CNTN4: variants seen among roughly 807,000 people sequenced by gnomAD.
CNTN4 encodes the protein contactin 4, also known as contactin-4.
CNTN4 carries 77 observed loss-of-function variants against 122.5 expected under a neutral mutation model. That is an observed-to-expected ratio of 0.63 (90% CI 0.52 to 0.76). The LOEUF is 0.76. Ranked by LOEUF, CNTN4 falls within the 30% of genes least tolerant of loss-of-function variation. The pLI is 0.00. For synonymous variants in CNTN4, 512 were observed against 447.0 expected (o/e 1.15, Z -1.83); for missense variants, 1,256 against 1,259.1 (o/e 1.00, Z 0.04).
intron 3 of CNTN4, among the ~76,000 whole-genome samples, chr3:2,369,062 T>C (rs1181998217): frequency 6.6e-6 from 1 of 152,146 alleles, no homozygotes; most frequent in Non-Finnish European, 1.5e-5. Context: ...TAGCTGGGAT[T>C]ACAGGCACCT....
At chr3:2,855,132 A>G (rs1266454281) in intron 7 of CNTN4, among the ~76,000 whole-genome samples, 6 of 152,198 alleles carry the variant, frequency 3.9e-5, no homozygotes, top group Admixed American at 2.6e-4. Flanking sequence ...ATACTGTGGC[A>G]TACAAAAGAA....
At chr3:2,401,318 T>A (rs2046850346) in intron 3 of CNTN4, among the ~76,000 whole-genome samples, 2 of 152,230 alleles carry the variant, frequency 1.3e-5, no homozygotes, top group East Asian at 3.9e-4. Flanking sequence ...AAATCAGGTC[T>A]CCTGACTTCT....
At chr3:2,589,367 ACTGAT>A (rs1308367761) in intron 4 of CNTN4, among the ~76,000 whole-genome samples, 1 of 152,126 alleles carries the variant, frequency 6.6e-6, no homozygotes, top group Non-Finnish European at 1.5e-5. Flanking sequence ...CTTTTTGTTC[ACTGAT>A]CTGTTAAAAG....
chr3:2,515,362 TAAAAC>T (rs2077010358), intron 3 of CNTN4, among the ~76,000 whole-genome samples: 1 of 152,114 alleles, frequency 6.6e-6, no homozygotes, highest in South Asian at 2.1e-4. Flanking sequence ...ACTTTAAAAA[TAAAAC>T]AAGTGCACAA....
In CNTN4 at chr3:2,421,532, G is replaced by A. The variant is rs535665408; in HGVS notation, c.-89+82299G>A. On this transcript the variant is annotated intron_variant, in intron 3 of 24. Coordinates refer to ENST00000418658, the MANE Select transcript of CNTN4 (RefSeq NM_175607.3). ...CTTCCAAAGAGCTGGGATTACAGATGTTAGCCACCGCTCCCAGCCCCAGCC... is the reference window on the plus strand; with the variant it reads ...CTTCCAAAGAGCTGGGATTACAGATATTAGCCACCGCTCCCAGCCCCAGCC... Among the ~76,000 whole-genome samples, 5 of 152,262 alleles carry A rather than the reference G, an allele frequency of 3.3e-5. 1 individual carries two copies. In the East Asian group the frequency reaches 9.7e-4, roughly 29 times the overall value.
intron 6 of CNTN4, among the ~76,000 whole-genome samples, chr3:2,781,575 C>G (rs1390037064): frequency 6.6e-6 from 1 of 151,948 alleles, no homozygotes; most frequent in Non-Finnish European, 1.5e-5. Context: ...GAACATGTGC[C>G]CAAGTGGTCG....
chr3:3,037,094 T>C (rs1413421058), intron 17 of CNTN4, 85 bp from the exon 18 acceptor site: 7 of 1,444,974 alleles, frequency 4.8e-6, no homozygotes, highest in Non-Finnish European at 6.8e-6. Flanking sequence ...TGAGGATGGA[T>C]GGATGTTCCT....
chr3:2,390,371 C>T (rs568113235), intron 3 of CNTN4, among the ~76,000 whole-genome samples: 4 of 151,812 alleles, frequency 2.6e-5, no homozygotes, highest in African/African-American at 7.3e-5. Flanking sequence ...CTGAAATGAT[C>T]ATAAAAGTTA....
intron 4 of CNTN4, among the ~76,000 whole-genome samples, chr3:2,605,862 A>C (rs1481378603): frequency 6.6e-6 from 1 of 152,232 alleles, no homozygotes; most frequent in East Asian, 1.9e-4. Flanking sequence ...GACAAATGAT[A>C]AATAATTCGA....
At chr3:2,585,836 A>T (rs1047413559) in intron 4 of CNTN4, among the ~76,000 whole-genome samples, 2 of 151,440 alleles carry the variant, frequency 1.3e-5, no homozygotes, top group Non-Finnish European at 2.9e-5. Context: ...CTTAAAGTAT[A>T]ATAAAAAAAA....
chr3:2,608,540 C>T (rs1483609988), intron 4 of CNTN4, among the ~76,000 whole-genome samples: 4 of 152,208 alleles, frequency 2.6e-5, no homozygotes, highest in East Asian at 1.9e-4. Context: ...GCAGTGATCT[C>T]GGCTTACTAC....
At chr3:2,782,465 CTGTGTGTG>C (rs137927481) in intron 6 of CNTN4, among the ~76,000 whole-genome samples, 13,343 of 133,190 alleles carry the variant, frequency 0.1, 707 homozygotes, top group African/African-American at 0.16. Context: ...CCTTCTTATT[CTGTGTGTG>C]TGTGTGTGTG....
rs115255802 is a variant in CNTN4, at chr3:2,535,702, G to T, written c.-88-35714G>T. Among the ~76,000 whole-genome samples the T allele has an allele frequency of 2.0e-3, 307 of 152,210 alleles. 1 individual carries two copies. Among genetic ancestry groups the T allele is most frequent in the African/African-American group, 6.9e-3 (287 of 41,538 alleles). The stretch of plus-strand genomic sequence containing the variant: ...ATGTTAAACCTTAAAAAGCATCTCT[G>T]TTGGATTTGGTAGTTGTATATTTTG... On this transcript the variant is annotated intron_variant, in intron 3 of 24. Coordinates refer to ENST00000418658, the MANE Select transcript of CNTN4 (RefSeq NM_175607.3).
At chr3:2,711,566 T>C (rs1278840148) in intron 4 of CNTN4, among the ~76,000 whole-genome samples, 3 of 152,160 alleles carry the variant, frequency 2.0e-5, no homozygotes, top group Non-Finnish European at 1.5e-5. Context: ...TTTAGGATGA[T>C]GGCAAGGCCT....
chr3:2,142,444 A>C (rs753089014), intron 2 of CNTN4, among the ~76,000 whole-genome samples: 25 of 151,580 alleles, frequency 1.6e-4, no homozygotes, highest in Admixed American at 3.3e-4. Flanking sequence ...AGCTCACTGC[A>C]ACCTCACCTC....
At chr3:2,221,613 A>G (rs1295855934) in intron 2 of CNTN4, among the ~76,000 whole-genome samples, 1 of 152,042 alleles carries the variant, frequency 6.6e-6, no homozygotes, top group African/African-American at 2.4e-5. Context: ...AAGACATCCC[A>G]AGGAGGTGGA....
Position 2,593,620 on chromosome 3 carries a change from G to A in CNTN4, c.55+22062G>A, listed in dbSNP as rs1246621152. 2.0e-5 allele frequency among the ~76,000 whole-genome samples: 3 copies of A among 152,180 alleles called. No homozygotes were observed. The East Asian group carries it at 5.8e-4, about 29-fold the overall frequency. On this transcript the variant is annotated intron_variant, in intron 4 of 24. Transcript: ENST00000418658. ...AAGGAATAAGTCATATTTTGGATGGGCAGATGAAGATCTTATAAGAATGTT... is the reference window on the plus strand; with the variant it reads ...AAGGAATAAGTCATATTTTGGATGGACAGATGAAGATCTTATAAGAATGTT...
intron 4 of CNTN4, among the ~76,000 whole-genome samples, chr3:2,627,639 GC>G (rs560441705): frequency 0.016 from 2,458 of 151,852 alleles, 55 homozygotes; most frequent in African/African-American, 0.05. Flanking sequence ...GAATACAGGT[GC>G]CCGCCACCAC....
At chr3:2,364,279 C>A (rs4234547) in intron 3 of CNTN4, among the ~76,000 whole-genome samples, 1 of 151,860 alleles carries the variant, frequency 6.6e-6, no homozygotes, top group Non-Finnish European at 1.5e-5. Flanking sequence ...GTTGTTGTCT[C>A]GATATTTATA....
Sources: gnomAD v4.1 joint callset for allele counts (sites outside exome capture counted in the v4.1 genomes callset) on GRCh38, gnomAD v4.1.1 for gene constraint, MANE v1.5 for transcripts, NCBI Gene and HGNC (gene_info 2026-07-23, HGNC 2026-07-21) for gene names.